The following PSD3 variants were observed in gnomAD, a reference collection of about 807,000 sequenced individuals.
PSD3 encodes PH and SEC7 domain-containing protein 3.
PSD3 carries 49 observed loss-of-function variants against 105.5 expected under a neutral mutation model. That is an observed-to-expected ratio of 0.46 (90% CI 0.37 to 0.59). The LOEUF is 0.59. PSD3 is among the 20% of genes least tolerant of loss of function. The pLI, the probability that PSD3 is intolerant of heterozygous loss-of-function variation, is 0.00. For missense variants in PSD3, 1,561 were observed against 1,263.8 expected, an observed-to-expected ratio of 1.24 and a Z score of -3.57; for synonymous variants, 557 against 457.8, an observed-to-expected ratio of 1.22 and a Z score of -2.77.
At chr8:18,617,542 A>C (rs541462765) in intron 11 of PSD3, among the ~76,000 whole-genome samples, 1 of 152,194 alleles carries the variant, frequency 6.6e-6, no homozygotes, top group East Asian at 1.9e-4. Flanking sequence ...AAAAACAAAC[A>C]AACAAAACTC....
In PSD3 at chr8:18,763,181, C is replaced by T. The variant is rs578063908; in HGVS notation, c.2172+2268G>A. Among the ~76,000 whole-genome samples, 9 of 152,232 alleles carry T rather than the reference C, an allele frequency of 5.9e-5. No individual in the cohort carries two copies. In the South Asian group the frequency reaches 1.9e-3, roughly 32 times the overall value. On this transcript the variant is annotated intron_variant, in intron 9 of 15. Transcript: ENST00000327040. ...TTGAACCAAATTAATCTAAAAGTAT[C>T]AAGGTCAATACGTAACAATAAAAGC...
intron 8 of PSD3, among the ~76,000 whole-genome samples, chr8:18,795,113 G>T (rs2469946): frequency 0.95 from 145,197 of 152,248 alleles, 69,404 homozygotes; most frequent in Non-Finnish European, 0.97. Context: ...ACTGTTCTGT[G>T]ACAAAACCTA....
chr8:18,678,953 G>A lies in PSD3; in HGVS notation c.2173-23268C>T, dbSNP rs1800224849. ...ATGCTTAAGTTTTTCTTTTAATAAA[G>A]TCTATTCAGCTAAAGGATGAATTTA... On this transcript the variant is annotated intron_variant, in intron 9 of 15. Transcript: ENST00000327040. Among the ~76,000 whole-genome samples the A allele has an allele frequency of 2.6e-5, 3 of 113,978 alleles. No homozygotes were observed. The South Asian group carries it at 9.3e-4, about 35-fold the overall frequency. 74.8% of individuals were successfully genotyped at this position (113,978 alleles called of 152,430 possible). A position where few individuals can be genotyped will look rare whatever the true frequency, so the allele number is the denominator to read the frequency against.
intron 10 of PSD3, among the ~76,000 whole-genome samples, chr8:18,649,848 C>T (rs954937146): frequency 6.6e-6 from 1 of 152,188 alleles, no homozygotes. Flanking sequence ...CCACCCCACC[C>T]TGCTCTGGCC....
At chr8:18,549,058 G>C (rs1441231500) in intron 15 of PSD3, among the ~76,000 whole-genome samples, 1 of 152,132 alleles carries the variant, frequency 6.6e-6, no homozygotes, top group Non-Finnish European at 1.5e-5. Flanking sequence ...CCCAGTGGAA[G>C]AAATCACAGG....
intron 9 of PSD3, among the ~76,000 whole-genome samples, chr8:18,756,213 C>CT (rs140502776): frequency 0.031 from 4,709 of 152,166 alleles, 240 homozygotes; most frequent in African/African-American, 0.11. Flanking sequence ...AGTTGATGCT[C>CT]TTTTTTTAGC....
chr8:18,965,111 G>T (rs1479772227), intron 1 of PSD3, among the ~76,000 whole-genome samples: 1 of 152,132 alleles, frequency 6.6e-6, no homozygotes, highest in East Asian at 1.9e-4. Context: ...AATTTTTATA[G>T]TTTAAAATTA....
At chr8:18,752,547 T>TATATATA in intron 9 of PSD3, among the ~76,000 whole-genome samples, 1 of 10,716 alleles carries the variant, frequency 9.3e-5, no homozygotes, top group African/African-American at 2.4e-4. Flanking sequence ...TTATATATAT[T>TATATATA]ATATATAATT....
chr8:18,543,617 C>T (rs1178263011), intron 15 of PSD3, among the ~76,000 whole-genome samples: 2 of 144,810 alleles, frequency 1.4e-5, no homozygotes, highest in South Asian at 2.3e-4. Context: ...GACTCTCTCT[C>T]AAAAACAAAA....
chr8:18,908,200 G>C (rs1265341709), intron 2 of PSD3, among the ~76,000 whole-genome samples: 1 of 152,164 alleles, frequency 6.6e-6, no homozygotes, highest in Non-Finnish European at 1.5e-5. Flanking sequence ...TTCAACAATA[G>C]AGGCAAATTC....
chr8:18,664,769 T>C, intron 9 of PSD3, among the ~76,000 whole-genome samples: 1 of 152,288 alleles, frequency 6.6e-6, no homozygotes, highest in East Asian at 1.9e-4. Context: ...CTGACTCTCT[T>C]CTTAGGGGCA....
At chr8:18,684,579 ACT>A (rs1371281266) in intron 9 of PSD3, among the ~76,000 whole-genome samples, 1 of 152,184 alleles carries the variant, frequency 6.6e-6, no homozygotes, top group Non-Finnish European at 1.5e-5. Context: ...CAGGCCACAC[ACT>A]GTTTGACAGC....
chr8:18,639,648 G>C (rs1807500855), intron 10 of PSD3, among the ~76,000 whole-genome samples: 1 of 152,144 alleles, frequency 6.6e-6, no homozygotes, highest in African/African-American at 2.4e-5. Context: ...GAGAGGCATG[G>C]AGGAGACTCC....
At chr8:18,573,863 G>A (rs1236187877) in intron 13 of PSD3, among the ~76,000 whole-genome samples, 1 of 152,106 alleles carries the variant, frequency 6.6e-6, no homozygotes, top group African/African-American at 2.4e-5. Context: ...ACTAGATTGT[G>A]GTGATGGCTG....
chr8:18,893,534 T>G (rs1312790575), intron 2 of PSD3, among the ~76,000 whole-genome samples: 2 of 152,196 alleles, frequency 1.3e-5, no homozygotes, highest in Non-Finnish European at 2.9e-5. Context: ...CTTCAAACAG[T>G]CTAGTTTCGT....
At chr8:19,042,135 G>T (rs1400570122) in intron 1 of PSD3, among the ~76,000 whole-genome samples, 1 of 152,128 alleles carries the variant, frequency 6.6e-6, no homozygotes, top group Non-Finnish European at 1.5e-5. Context: ...ATGAACATGT[G>T]GCTTTTAAAA....
chr8:18,729,671 A>G (rs1053229153), intron 9 of PSD3, among the ~76,000 whole-genome samples: 1 of 152,212 alleles, frequency 6.6e-6, no homozygotes, highest in Non-Finnish European at 1.5e-5. Context: ...TGTCTCATGT[A>G]TTACCTTCAA....
At chr8:18,671,798 A>AT (rs1799799548) in intron 9 of PSD3, among the ~76,000 whole-genome samples, 1 of 151,938 alleles carries the variant, frequency 6.6e-6, no homozygotes, top group South Asian at 2.1e-4. Flanking sequence ...CGTCCGGCTA[A>AT]TTTTTTGTAT....
chr8:18,553,092 C>T (rs181807945), intron 15 of PSD3, among the ~76,000 whole-genome samples: 8 of 152,306 alleles, frequency 5.3e-5, no homozygotes, highest in African/African-American at 1.9e-4. Flanking sequence ...GGGATTTAAA[C>T]AACTGGAATG....
Sources: gnomAD v4.1 joint callset for allele counts (sites outside exome capture counted in the v4.1 genomes callset) on GRCh38, gnomAD v4.1.1 for gene constraint, MANE v1.5 for transcripts, NCBI Gene and HGNC (gene_info 2026-07-23, HGNC 2026-07-21) for gene names.